The following GPHN variants were observed in gnomAD, a reference collection of about 807,000 sequenced individuals.
GPHN encodes the protein gephyrin.
In GPHN, 17 loss-of-function variants were observed where a neutral mutation model predicts 95.5. The observed-to-expected ratio is 0.18, with a 90% confidence interval of 0.12 to 0.27. GPHN has a LOEUF of 0.27. GPHN is among the 10% of genes least tolerant of loss of function. The pLI, the probability that GPHN is intolerant of heterozygous loss-of-function variation, is 1.00. For missense variants in GPHN, 660 were observed against 978.1 expected, an observed-to-expected ratio of 0.67 and a Z score of 4.34; for synonymous variants, 320 against 322.5, an observed-to-expected ratio of 0.99 and a Z score of 0.08.
In GPHN at chr14:66,961,668, C is replaced by T. The variant is rs191218570; in HGVS notation, c.829-3523C>T. 1.3e-3 allele frequency among the ~76,000 whole-genome samples: 201 copies of T among 151,470 alleles called. 1 individual carries two copies. Among genetic ancestry groups the T allele is most frequent in the African/African-American group, 4.5e-3 (186 of 41,438 alleles). ...TGAGGAATGTATGAAAAAGTGCTCA[C>T]TCTCACTAAGAATCAGAGAAAGGGA... On this transcript the variant is annotated intron_variant, in intron 8 of 22. Coordinates refer to ENST00000478722, the MANE Select transcript of GPHN (RefSeq NM_020806.5).
intron 1 of GPHN, among the ~76,000 whole-genome samples, chr14:66,517,727 A>G (rs1421777337): frequency 1.3e-5 from 2 of 152,248 alleles, no homozygotes; most frequent in East Asian, 3.9e-4. Flanking sequence ...TCTGGGAAAA[A>G]GGATATCCAT....
At chr14:66,604,565 G>A (rs1343707638) in intron 1 of GPHN, among the ~76,000 whole-genome samples, 2 of 151,948 alleles carry the variant, frequency 1.3e-5, no homozygotes, top group East Asian at 3.9e-4. Context: ...TTTTTAAAAA[G>A]ATACTTTAGA....
intron 1 of GPHN, among the ~76,000 whole-genome samples, chr14:66,586,420 T>A (rs1047763153): frequency 7.2e-5 from 11 of 152,312 alleles, no homozygotes; most frequent in Non-Finnish European, 1.2e-4. Context: ...GTGAATTTGA[T>A]CCTGTCATTA....
At chr14:66,667,411 G>A (rs1205409624) in intron 1 of GPHN, among the ~76,000 whole-genome samples, 2 of 151,990 alleles carry the variant, frequency 1.3e-5, no homozygotes, top group Admixed American at 6.5e-5. Context: ...CTATACTATG[G>A]GGCTACAGTG....
the GPHN span, among the ~76,000 whole-genome samples, chr14:67,383,024 GA>G: frequency 6.6e-6 from 1 of 152,072 alleles, no homozygotes; most frequent in African/African-American, 2.4e-5. Flanking sequence ...TTGTGGTCTT[GA>G]AAGATACAGC....
chr14:67,104,331 T>C (rs1435338967), intron 13 of GPHN, among the ~76,000 whole-genome samples: 1 of 152,204 alleles, frequency 6.6e-6, no homozygotes, highest in Non-Finnish European at 1.5e-5. Context: ...TTTTGTGTTG[T>C]ATCCTTTTAT....
the GPHN span, among the ~76,000 whole-genome samples, chr14:67,296,070 A>T: frequency 2.0e-5 from 3 of 152,128 alleles, no homozygotes; most frequent in Non-Finnish European, 1.5e-5. Context: ...AACAGCACCG[A>T]GATGTGCCTA....
At chr14:67,693,055 GCAGA>G in the GPHN span, 1 of 1,601,910 alleles carries the variant, frequency 6.2e-7, no homozygotes, top group Non-Finnish European at 8.5e-7. Flanking sequence ...GCATTTTCCT[GCAGA>G]CAGAGAAGGA....
chr14:67,436,376 G>C, the GPHN span, among the ~76,000 whole-genome samples: 843 of 152,294 alleles, frequency 5.5e-3, 4 homozygotes, highest in African/African-American at 0.02. Flanking sequence ...GCAGCCGTAA[G>C]GGAGAATACA....
chr14:66,951,538 G>A (rs1208096735), intron 8 of GPHN, among the ~76,000 whole-genome samples: 2 of 150,976 alleles, frequency 1.3e-5, no homozygotes, highest in East Asian at 1.9e-4. Context: ...AAAAGGAAGG[G>A]ATAAAGAAAC....
intron 1 of GPHN, among the ~76,000 whole-genome samples, chr14:66,569,537 C>G (rs1418156400): frequency 6.6e-6 from 1 of 151,904 alleles, no homozygotes; most frequent in Non-Finnish European, 1.5e-5. Context: ...GTGGGGGGCC[C>G]CTGTAATCCC....
intron 1 of GPHN, among the ~76,000 whole-genome samples, chr14:66,646,265 C>T (rs1000687192): frequency 1.3e-5 from 2 of 152,080 alleles, no homozygotes; most frequent in African/African-American, 4.8e-5. Context: ...TTACCTCACA[C>T]ACCTAAGAAT....
At chr14:67,603,216 C>T in the GPHN span, among the ~76,000 whole-genome samples, 1 of 152,118 alleles carries the variant, frequency 6.6e-6, no homozygotes, top group Admixed American at 6.6e-5. Flanking sequence ...GCTACAGGCA[C>T]ACTCTACCAC....
intron 11 of GPHN, among the ~76,000 whole-genome samples, chr14:67,067,645 C>A (rs2076115816): frequency 6.6e-6 from 1 of 152,192 alleles, no homozygotes; most frequent in Non-Finnish European, 1.5e-5. Context: ...TTTACCTACT[C>A]AAGCCTCAGC....
the GPHN span, among the ~76,000 whole-genome samples, chr14:67,228,169 C>CAA: frequency 1.2e-4 from 8 of 64,122 alleles, no homozygotes; most frequent in Non-Finnish European, 1.9e-4. Flanking sequence ...GACTTTGTCT[C>CAA]AAAAAAAAAA....
At chr14:66,680,745 T>A (rs1479758837) in intron 1 of GPHN, among the ~76,000 whole-genome samples, 1 of 152,182 alleles carries the variant, frequency 6.6e-6, no homozygotes, top group Non-Finnish European at 1.5e-5. Context: ...AATATGATTT[T>A]GTAGTTTGTC....
chr14:67,650,981 G>A, the GPHN span: 4 of 1,495,108 alleles, frequency 2.7e-6, no homozygotes, highest in East Asian at 6.8e-5. Context: ...GCATTGAGGG[G>A]ATAGATGAAT....
chr14:66,899,122 C>CTTTTTTTTTTTTT (rs149566081), intron 5 of GPHN, among the ~76,000 whole-genome samples: 3 of 130,804 alleles, frequency 2.3e-5, no homozygotes, highest in African/African-American at 2.7e-5. Flanking sequence ...AGGGCTTTTT[C>CTTTTTTTTTTTTT]TTTTTTTTTT....
intron 2 of GPHN, among the ~76,000 whole-genome samples, chr14:66,755,766 G>A (rs1371482183): frequency 6.6e-6 from 1 of 152,042 alleles, no homozygotes; most frequent in Non-Finnish European, 1.5e-5. Context: ...TATATTTCAA[G>A]CGTGAGTCAG....
Sources: gnomAD v4.1 joint callset for allele counts (sites outside exome capture counted in the v4.1 genomes callset) on GRCh38, gnomAD v4.1.1 for gene constraint, MANE v1.5 for transcripts, NCBI Gene and HGNC (gene_info 2026-07-23, HGNC 2026-07-21) for gene names.